Variants in NSMCE2 observed in about 807,000 individuals in gnomAD.
The protein encoded by NSMCE2 is NSE2 SUMO ligase component of SMC5/6 complex, also known as E3 SUMO-protein ligase NSE2.
Under a neutral mutation model 23.8 loss-of-function variants are expected in NSMCE2, and 24 were observed. The ratio of observed to expected loss-of-function variants is 1.01; its 90% CI spans 0.73 to 1.42. The LOEUF (loss-of-function observed/expected upper bound fraction) is 1.42, where lower values mean the gene tolerates loss of function less well. Ranked by LOEUF, NSMCE2 falls within the 40% of genes most tolerant of loss-of-function variation. NSMCE2 has a pLI of 0.00. For missense variants in NSMCE2, 284 were observed against 296.5 expected, an observed-to-expected ratio of 0.96 and a Z score of 0.31; for synonymous variants, 92 against 94.1, an observed-to-expected ratio of 0.98 and a Z score of 0.13.
chr8:125,243,031 G>A (rs1040594233), intron 5 of NSMCE2, among the ~76,000 whole-genome samples: 1 of 152,018 alleles, frequency 6.6e-6, no homozygotes, highest in Non-Finnish European at 1.5e-5. Flanking sequence ...CTCTATCTGG[G>A]TAAGCAATGT....
At chr8:125,362,526 G>C (rs1813604903) in intron 7 of NSMCE2, among the ~76,000 whole-genome samples, 1 of 152,200 alleles carries the variant, frequency 6.6e-6, no homozygotes, top group South Asian at 2.1e-4. Context: ...AGGACCTGAA[G>C]TGAACTCCCC....
At chr8:125,154,457 A>G (rs1029710253) in intron 4 of NSMCE2, among the ~76,000 whole-genome samples, 3 of 150,920 alleles carry the variant, frequency 2.0e-5, no homozygotes, top group Non-Finnish European at 2.9e-5. Flanking sequence ...ACTATACTCC[A>G]CAGTGCCCAA....
At chr8:125,233,513 C>T (rs907349495) in intron 5 of NSMCE2, among the ~76,000 whole-genome samples, 5 of 152,028 alleles carry the variant, frequency 3.3e-5, no homozygotes, top group Admixed American at 6.5e-5. Flanking sequence ...TTAGGTAATA[C>T]TAATATGCAA....
intron 5 of NSMCE2, among the ~76,000 whole-genome samples, chr8:125,185,622 C>T (rs1230513148): frequency 6.6e-6 from 1 of 152,166 alleles, no homozygotes; most frequent in Middle Eastern, 3.2e-3. Flanking sequence ...TTAAAATTTA[C>T]TGAGAGCCCC....
At chr8:125,155,385 TAATC>T (rs1407138339) in intron 4 of NSMCE2, among the ~76,000 whole-genome samples, 3 of 152,320 alleles carry the variant, frequency 2.0e-5, no homozygotes, top group Non-Finnish European at 4.4e-5. Flanking sequence ...CAGAGTGCCT[TAATC>T]AATCCAAAGA....
At chr8:125,270,067 A>G (rs994037325) in intron 5 of NSMCE2, among the ~76,000 whole-genome samples, 2 of 152,328 alleles carry the variant, frequency 1.3e-5, no homozygotes, top group South Asian at 2.1e-4. Context: ...ATAAGGAGCT[A>G]TAAGAAGAGA....
chr8:125,311,563 C>G (rs554894329), intron 5 of NSMCE2, among the ~76,000 whole-genome samples: 8 of 152,216 alleles, frequency 5.3e-5, no homozygotes, highest in Middle Eastern at 3.2e-3. Context: ...TGCAATATGT[C>G]AGCATTTCCC....
At position 125,347,142 on chromosome 8, in the gene NSMCE2, A is replaced by G. The variant is rs73338849; in HGVS notation, c.419-10077A>G. On this transcript the variant is annotated intron_variant, in intron 5 of 7. Coordinates refer to ENST00000287437, the MANE Select transcript of NSMCE2 (RefSeq NM_173685.4). Reference sequence around the variant, plus strand: ...TTAACTCACTTAATCCTCAGACAGCACTATGAAGTAAGTACCATTAGTATC... The same window carrying G: ...TTAACTCACTTAATCCTCAGACAGCGCTATGAAGTAAGTACCATTAGTATC... 6.1e-3 allele frequency among the ~76,000 whole-genome samples: 925 copies of G among 152,252 alleles called. 7 individuals are homozygous for G. The highest frequency in any genetic ancestry group is 0.022 in the African/African-American group (899 of 41,554).
chr8:125,122,524 C>T (rs928384008), intron 3 of NSMCE2, among the ~76,000 whole-genome samples: 8 of 152,140 alleles, frequency 5.3e-5, no homozygotes, highest in African/African-American at 1.7e-4. Flanking sequence ...CTCTTTAAGC[C>T]TCTTTTCTCT....
chr8:125,351,343 T>C (rs1463380102), intron 5 of NSMCE2: 1 of 152,112 alleles, frequency 6.6e-6, no homozygotes, highest in East Asian at 1.9e-4. Context: ...TTGGTGTACA[T>C]TTTGTGACAT....
intron 5 of NSMCE2, among the ~76,000 whole-genome samples, chr8:125,344,015 A>C (rs1830344547): frequency 1.3e-5 from 2 of 152,130 alleles, no homozygotes; most frequent in Non-Finnish European, 2.9e-5. Flanking sequence ...CAAACAAACA[A>C]CAAAAAAAAT....
chr8:125,106,390 T>C (rs1203964151), intron 3 of NSMCE2, among the ~76,000 whole-genome samples: 1 of 152,164 alleles, frequency 6.6e-6, no homozygotes, highest in African/African-American at 2.4e-5. Context: ...TTTAAAACTT[T>C]CACTTTGGGC....
chr8:125,277,488 A>T (rs2131112446), intron 5 of NSMCE2, among the ~76,000 whole-genome samples: 1 of 152,138 alleles, frequency 6.6e-6, no homozygotes, highest in African/African-American at 2.4e-5. Flanking sequence ...AAAACCAAAT[A>T]ATTTGTCATC....
At chr8:125,109,135 C>A (rs1187216363) in intron 3 of NSMCE2, among the ~76,000 whole-genome samples, 3 of 152,040 alleles carry the variant, frequency 2.0e-5, no homozygotes, top group Non-Finnish European at 2.9e-5. Context: ...TATCTTATAC[C>A]CTCATTGTAA....
chr8:125,202,527 C>G (rs1823930571), intron 5 of NSMCE2, among the ~76,000 whole-genome samples: 1 of 152,084 alleles, frequency 6.6e-6, no homozygotes, highest in Non-Finnish European at 1.5e-5. Flanking sequence ...TAAAGCACAT[C>G]AATGAAATTA....
At chr8:125,144,542 C>G (rs1002421530) in intron 3 of NSMCE2, among the ~76,000 whole-genome samples, 5 of 152,164 alleles carry the variant, frequency 3.3e-5, no homozygotes, top group Non-Finnish European at 5.9e-5. Flanking sequence ...ACATAAGGAC[C>G]GTATTGCTAC....
intron 3 of NSMCE2, among the ~76,000 whole-genome samples, chr8:125,146,828 A>G (rs987758421): frequency 3.9e-5 from 6 of 152,100 alleles, no homozygotes; most frequent in Non-Finnish European, 7.4e-5. Context: ...GCACACCAAC[A>G]TGGCACATGT....
chr8:125,245,105 A>G (rs1302693990), intron 5 of NSMCE2, among the ~76,000 whole-genome samples: 1 of 152,084 alleles, frequency 6.6e-6, no homozygotes, highest in Non-Finnish European at 1.5e-5. Flanking sequence ...AACATGGTAA[A>G]ACCCTATCTC....
rs1491132511 is a variant in NSMCE2, at chr8:125,272,791, A to ACGTGTGTATATATATACACACG, written c.419-84428_419-84427insCGTGTGTATATATATACACACG. ...TACACACACACGTATATATATACAC[A>ACGTGTGTATATATATACACACG]TGTGTATATATATACACACACGTAT... On this transcript the variant is annotated intron_variant, in intron 5 of 7. Transcript: ENST00000287437. 1.5e-3 allele frequency among the ~76,000 whole-genome samples: 214 copies of ACGTGTGTATATATATACACACG among 141,938 alleles called. 8 individuals carry two copies. The highest frequency in any genetic ancestry group is 5.2e-3 in the African/African-American group (199 of 37,966). The allele number at this position is 141,938 out of a possible 152,430, so 93.1% of individuals were successfully genotyped here.
Sources: allele counts gnomAD v4.1 joint callset (sites outside exome capture counted in the v4.1 genomes callset), GRCh38; gene constraint gnomAD v4.1.1; transcripts MANE v1.5; gene names NCBI Gene and HGNC (gene_info 2026-07-23, HGNC 2026-07-21).